SPAG17: variants seen among roughly 807,000 people sequenced by gnomAD.
SPAG17 encodes the protein sperm-associated antigen 17.
Under a neutral mutation model 273.6 loss-of-function variants are expected in SPAG17, and 169 were observed. The ratio of observed to expected loss-of-function variants is 0.62; its 90% CI spans 0.55 to 0.70. The LOEUF (loss-of-function observed/expected upper bound fraction) is 0.70, where lower values mean the gene tolerates loss of function less well. Ranked by LOEUF, SPAG17 falls within the 30% of genes least tolerant of loss-of-function variation. The probability of loss-of-function intolerance (pLI) is 0.00; values close to 1 mark genes in which losing one functional copy is unlikely to be tolerated. For synonymous variants in SPAG17, 825 were observed against 873.2 expected, an observed-to-expected ratio of 0.94 and a Z score of 0.97; for missense variants, 2,557 against 2,627.8, an observed-to-expected ratio of 0.97 and a Z score of 0.59.
chr1:118,103,210 A>G (rs924744353), intron 4 of SPAG17, among the ~76,000 whole-genome samples: 2 of 152,204 alleles, frequency 1.3e-5, no homozygotes, highest in African/African-American at 4.8e-5. Context: ...AAACCGCTCC[A>G]TGCCAGACAG....
At chr1:118,006,341 G>C (rs1315155521) in intron 31 of SPAG17, among the ~76,000 whole-genome samples, 1 of 152,182 alleles carries the variant, frequency 6.6e-6, no homozygotes, top group African/African-American at 2.4e-5. Flanking sequence ...TTAAATGGAA[G>C]CATGTACTCT....
At chr1:117,972,186 AC>A (rs1654636515) in intron 44 of SPAG17, 139 bp from the exon 45 acceptor site, 2 of 753,658 alleles carry the variant, frequency 2.7e-6, no homozygotes, top group African/African-American at 3.5e-5. Context: ...TGTCATCCTT[AC>A]AACAGTCCTG....
chr1:117,957,469 A>G (rs1652381927), intron 48 of SPAG17, among the ~76,000 whole-genome samples: 1 of 152,218 alleles, frequency 6.6e-6, no homozygotes, highest in South Asian at 2.1e-4. Context: ...TTGCTCAGGA[A>G]TGCTTACTCA....
intron 3 of SPAG17, among the ~76,000 whole-genome samples, chr1:118,147,624 G>C (rs757691106): frequency 6.6e-6 from 1 of 152,168 alleles, no homozygotes; most frequent in Non-Finnish European, 1.5e-5. Context: ...GCTTTTCAAA[G>C]AACTATGGTT....
intron 48 of SPAG17, chr1:117,962,632 G>T (rs1653261430): frequency 6.6e-6 from 1 of 152,010 alleles, no homozygotes; most frequent in Non-Finnish European, 1.5e-5. Flanking sequence ...CATCCACTTA[G>T]AGAAAATATG....
In SPAG17 at chr1:118,016,130, G is replaced by A; in HGVS notation, c.4122C>T (p.Asp1374=). The change falls in exon 29 of 49, where the codon GAC becomes GAT. Residue 1374 remains aspartate, a synonymous_variant. Coordinates refer to ENST00000336338, the MANE Select transcript of SPAG17 (RefSeq NM_206996.4). Reference sequence around the variant, plus strand: ...CAGTTTGAACTGCCTCTGGAGGAGGGTCATGGATTTCACCCTTATGGGCCA... The same window carrying A: ...CAGTTTGAACTGCCTCTGGAGGAGGATCATGGATTTCACCCTTATGGGCCA... The part of the protein sequence containing the change: ...SSMAHKGEIH[D]PPPEAVQTVT... The A allele has an allele frequency of 6.2e-7, 1 of 1,614,032 alleles. No homozygotes were observed. Among genetic ancestry groups the A allele is most frequent in the Non-Finnish European group, 8.5e-7 (1 of 1,179,958 alleles).
At chr1:117,961,906 C>G (rs1653150865) in intron 48 of SPAG17, 1 of 151,982 alleles carries the variant, frequency 6.6e-6, no homozygotes. Flanking sequence ...GGAGTTAATT[C>G]TTGAAAAAAA....
chr1:118,145,707 T>G (rs1298474720), intron 3 of SPAG17, among the ~76,000 whole-genome samples: 1 of 151,984 alleles, frequency 6.6e-6, no homozygotes, highest in Non-Finnish European at 1.5e-5. Flanking sequence ...ATTTTTTTAC[T>G]GACAGGAGTA....
chr1:118,035,054 T>C (rs1367197341), intron 24 of SPAG17, among the ~76,000 whole-genome samples: 1 of 152,174 alleles, frequency 6.6e-6, no homozygotes, highest in Non-Finnish European at 1.5e-5. Flanking sequence ...AGAACTGGAA[T>C]GGAAACTTGT....
At chr1:118,082,748 T>C (rs1205992455) in intron 13 of SPAG17, among the ~76,000 whole-genome samples, 1 of 152,172 alleles carries the variant, frequency 6.6e-6, no homozygotes, top group East Asian at 1.9e-4. Context: ...TTCTAGTTTA[T>C]ATAAAGCAGT....
intron 42 of SPAG17, among the ~76,000 whole-genome samples, chr1:117,983,462 A>G (rs1656059979): frequency 6.6e-6 from 1 of 152,200 alleles, no homozygotes; most frequent in Non-Finnish European, 1.5e-5. Context: ...AAAATGCTGA[A>G]TGTCTCCATT....
At chr1:118,144,212 A>G (rs1392093288) in intron 3 of SPAG17, among the ~76,000 whole-genome samples, 2 of 152,198 alleles carry the variant, frequency 1.3e-5, no homozygotes, top group Non-Finnish European at 2.9e-5. Flanking sequence ...GCCCATTCCT[A>G]AAGCAATGGA....
intron 32 of SPAG17, among the ~76,000 whole-genome samples, chr1:118,004,086 T>C (rs777838676): frequency 2.0e-5 from 3 of 152,188 alleles, no homozygotes; most frequent in Non-Finnish European, 4.4e-5. Context: ...GCTGCAGGTC[T>C]GTTGGAGTTT....
chr1:118,173,924 C>T (rs1660554638), intron 1 of SPAG17, among the ~76,000 whole-genome samples: 1 of 150,970 alleles, frequency 6.6e-6, no homozygotes, highest in East Asian at 1.9e-4. Flanking sequence ...CAGAAAAGAC[C>T]TGGGAAGATT....
At chr1:118,054,879 C>A (rs1470683615) in intron 19 of SPAG17, among the ~76,000 whole-genome samples, 1 of 151,998 alleles carries the variant, frequency 6.6e-6, no homozygotes, top group Non-Finnish European at 1.5e-5. Context: ...ATGCCATGTA[C>A]AAACTCCTTT....
At chr1:118,000,798 T>C (rs923981064) in intron 32 of SPAG17, among the ~76,000 whole-genome samples, 2 of 152,180 alleles carry the variant, frequency 1.3e-5, no homozygotes, top group South Asian at 2.1e-4. Context: ...CTTTTCCTAA[T>C]TGAATACCCT....
In SPAG17 at chr1:118,049,507, C is replaced by T. The variant is rs146163073; in HGVS notation, c.2814+4495G>A. Among the ~76,000 whole-genome samples the T allele has an allele frequency of 3.7e-3, 559 of 152,146 alleles. 4 individuals carry two copies. Among genetic ancestry groups the T allele is most frequent in the African/African-American group, 0.01 (418 of 41,514 alleles). On this transcript the variant is annotated intron_variant, in intron 20 of 48. Transcript: ENST00000336338. ...TCACAATAGATGTGGAAAAAACATA[C>T]GACAAACTCAAATATCCTTTCATAA...
At chr1:118,013,432 C>T (rs1398007708) in intron 29 of SPAG17, among the ~76,000 whole-genome samples, 1 of 152,146 alleles carries the variant, frequency 6.6e-6, no homozygotes, top group Non-Finnish European at 1.5e-5. Flanking sequence ...GGAATGTATA[C>T]TAAGAAATAC....
intron 23 of SPAG17, among the ~76,000 whole-genome samples, chr1:118,038,052 C>A (rs1571309446): frequency 6.6e-6 from 1 of 152,098 alleles, no homozygotes; most frequent in Non-Finnish European, 1.5e-5. Context: ...AGGACTATTA[C>A]TCAAAATGTA....
Sources: allele counts gnomAD v4.1 joint callset (sites outside exome capture counted in the v4.1 genomes callset), GRCh38; gene constraint gnomAD v4.1.1; transcripts MANE v1.5; gene names NCBI Gene and HGNC (gene_info 2026-07-23, HGNC 2026-07-21).